Variants in SDC1 observed in about 807,000 individuals in gnomAD.
SDC1 encodes syndecan-1.
Under a neutral mutation model 29.7 loss-of-function variants are expected in SDC1, and 14 were observed. The ratio of observed to expected loss-of-function variants is 0.47; its 90% CI spans 0.31 to 0.74. The LOEUF is 0.74. Among genes scored for constraint, SDC1 ranks in the 30% least tolerant of loss-of-function variants. The probability of loss-of-function intolerance (pLI) is 0.05; values close to 1 mark genes in which losing one functional copy is unlikely to be tolerated. For missense variants in SDC1, 406 were observed against 400.3 expected (o/e 1.01, Z -0.12); for synonymous variants, 204 against 175.5 (o/e 1.16, Z -1.29).
At chr2:20,207,407 G>C in intron 1 of SDC1, 1 of 984,880 alleles carries the variant, frequency 1.0e-6, no homozygotes, top group Non-Finnish European at 1.2e-6. Context: ...GTCCACCATG[G>C]CCCATCTACA....
At position 20,202,267 on chromosome 2, in the gene SDC1, T is replaced by C. The variant is rs747461514; in HGVS notation, c.*499A>G. 3.9e-6 allele frequency: 3 copies of C among 779,146 alleles called. No homozygotes were observed. Among genetic ancestry groups the C allele is most frequent in the African/African-American group, 1.7e-5 (1 of 59,214 alleles). The allele number at this position is 779,146 out of a possible 1,614,324, so 48.3% of individuals were successfully genotyped here. ...GGAAACATGTGCAAAAACAAGTCGA[T>C]ATCTAGATTAGACCTCCCCACGAAA... On this transcript the variant is annotated 3_prime_UTR_variant, in exon 5 of 5. Coordinates refer to ENST00000254351, the MANE Select transcript of SDC1 (RefSeq NM_002997.5).
At chr2:20,223,454 T>G in intron 1 of SDC1, 1 of 412,514 alleles carries the variant, frequency 2.4e-6, no homozygotes, top group Admixed American at 3.1e-5. Flanking sequence ...TTGCCAGAGC[T>G]GGGGAAGTCG....
Position 20,204,171 on chromosome 2 carries a change from G to A in SDC1, c.269C>T (p.Thr90Ile), listed in dbSNP as rs1202999534. Residue 90 changes from threonine (T) to isoleucine (I), a missense_variant, in exon 3 of 5, where the codon ACC (threonine) becomes ATC (isoleucine). By Grantham distance (89) the Thr-to-Ile change is moderately conservative. Transcript: ENST00000254351. ...PTGLEATAAS[T>I]STLPAGEGPK... Reference sequence around the variant, plus strand: ...CCCCTCTCCAGCCGGCAGGGTGGAGGTGGAGGCAGCTGTAGCCTCCAGGCC... The same window carrying A: ...CCCCTCTCCAGCCGGCAGGGTGGAGATGGAGGCAGCTGTAGCCTCCAGGCC... The A allele has an allele frequency of 1.2e-5, 19 of 1,600,566 alleles. No individual in the cohort carries two copies. The highest frequency in any genetic ancestry group is 2.2e-5 in the East Asian group (1 of 44,886).
chr2:20,212,931 C>T (rs951987974), intron 1 of SDC1, among the ~76,000 whole-genome samples: 4 of 152,180 alleles, frequency 2.6e-5, no homozygotes, highest in Non-Finnish European at 5.9e-5. Flanking sequence ...AGACTACTTT[C>T]GGGTAATATT....
At chr2:20,202,972 C>A (rs768646993) in intron 4 of SDC1, 37 bp from the exon 5 acceptor site, 1 of 1,583,314 alleles carries the variant, frequency 6.3e-7, no homozygotes, top group Admixed American at 1.7e-5. Context: ...AGCTCAGCGG[C>A]TCCTTGGGCT....
rs1055939021 is a variant in SDC1, at chr2:20,202,682, G to A, written c.*84C>T. 3.8e-5 allele frequency: 52 copies of A among 1,355,482 alleles called. No homozygotes were observed. The highest frequency in any genetic ancestry group is 7.1e-5 in the South Asian group (5 of 70,150). 84.0% of individuals were successfully genotyped at this position (1,355,482 alleles called of 1,614,324 possible). A position where few individuals can be genotyped will look rare whatever the true frequency, so the allele number is the denominator to read the frequency against. On this transcript the variant is annotated 3_prime_UTR_variant, in exon 5 of 5. Transcript: ENST00000254351. ...CTGGGGAGGTGGCCTGGTGGCAGGG[G>A]AGGCCAGGGCCTGCAGTTCTTCAAG...
rs1361384398 is a variant in SDC1, at chr2:20,224,631, T to C, written c.66+171A>G. ...CGGCACCCACCGACAGCGGAGGAAA[T>C]TGGGGCTGGAGCCCTGGTCTCGGGG... On this transcript the variant is annotated intron_variant, in intron 1 of 4. Transcript: ENST00000254351. This position sits in a 1 kb window ranked among gnomAD's most constrained non-coding sequence, Gnocchi z 4.9. Among the ~76,000 whole-genome samples the C allele has an allele frequency of 4.6e-5, 7 of 150,884 alleles. No individual in the cohort carries two copies. In the East Asian group the frequency reaches 8.0e-4, roughly 17 times the overall value.
chr2:20,224,726 G>T lies in SDC1; in HGVS notation c.66+76C>A. 1 of 1,236,258 alleles carries T rather than the reference G, an allele frequency of 8.1e-7. No homozygotes were observed. The highest frequency in any genetic ancestry group is 1.0e-6 in the Non-Finnish European group (1 of 985,602). The allele number at this position is 1,236,258 out of a possible 1,614,324, so 76.6% of individuals were successfully genotyped here. ...GTCTTCGCTCCCCCTCCCCCTCCAC[G>T]TGCACCCGCCGGCATCCGCGGGTGA... On this transcript the variant is annotated intron_variant, in intron 1 of 4. Transcript: ENST00000254351. This position sits in a 1 kb window ranked among gnomAD's most constrained non-coding sequence, Gnocchi z 4.9.
Position 20,201,943 on chromosome 2 carries a change from C to A in SDC1, c.*823G>T, listed in dbSNP as rs56840940. The A allele has an allele frequency of 7.0e-6, 2 of 286,658 alleles. No individual in the cohort carries two copies. Among genetic ancestry groups the A allele is most frequent in the Admixed American group, 5.3e-5 (1 of 18,830 alleles). The allele number at this position is 286,658 out of a possible 1,614,324, so 17.8% of individuals were successfully genotyped here. On this transcript the variant is annotated 3_prime_UTR_variant, in exon 5 of 5. Coordinates refer to ENST00000254351, the MANE Select transcript of SDC1 (RefSeq NM_002997.5). The stretch of plus-strand genomic sequence containing the variant: ...CTGCTTGAAAGAGGCGGCGGCCCCA[C>A]GGCAGCCTGGACTGGCCAGCCTGCC...
Position 20,202,928 on chromosome 2 carries a change from A to T in SDC1, c.771T>A (p.Ile257=). ...AGATGAGCCCCACGAGGCCTCCGGC[A>T]ATGACCCCTAGGGCAGGTAGACGGG... is the stretch of plus-strand genomic sequence containing the variant. ...LDRKEVLGGV[I]AGGLVGLIFA... The change falls in exon 5 of 5, where the codon ATT becomes ATA. Residue 257 remains isoleucine (I), a synonymous_variant. Coordinates refer to ENST00000254351, the MANE Select transcript of SDC1 (RefSeq NM_002997.5). 6.2e-7 allele frequency: 1 copy of T among 1,611,212 alleles called. No homozygotes were observed.
At chr2:20,214,255 A>G (rs1052778802) in intron 1 of SDC1, among the ~76,000 whole-genome samples, 4 of 152,242 alleles carry the variant, frequency 2.6e-5, no homozygotes, top group African/African-American at 9.6e-5. Flanking sequence ...TCCCACGTAC[A>G]GAACAATGGG....
Position 20,202,755 on chromosome 2 carries a change from T to G in SDC1, c.*11A>C. The G allele has an allele frequency of 6.3e-7, 1 of 1,586,526 alleles. No individual in the cohort carries two copies. Among genetic ancestry groups the G allele is most frequent in the Non-Finnish European group, 8.6e-7 (1 of 1,164,926 alleles). ...TGAGTGGCAGGGCGGAGGGGGCGCA[T>G]GGCTCCCGCGTCAGGCATAGAATTC... On this transcript the variant is annotated 3_prime_UTR_variant, in exon 5 of 5. Coordinates refer to ENST00000254351, the MANE Select transcript of SDC1 (RefSeq NM_002997.5).
At chr2:20,207,088 C>T (rs886117054) in intron 1 of SDC1, among the ~76,000 whole-genome samples, 3 of 152,228 alleles carry the variant, frequency 2.0e-5, no homozygotes, top group Non-Finnish European at 2.9e-5. Context: ...CACAGGCCCA[C>T]GGGTCTCACT....
At chr2:20,212,827 C>A (rs549913603) in intron 1 of SDC1, among the ~76,000 whole-genome samples, 6 of 152,106 alleles carry the variant, frequency 3.9e-5, no homozygotes, top group Admixed American at 1.3e-4. Context: ...CCAAGCACAG[C>A]CCCACCCTGC....
chr2:20,215,769 A>G (rs1363814639), intron 1 of SDC1, among the ~76,000 whole-genome samples: 2 of 152,218 alleles, frequency 1.3e-5, no homozygotes, highest in Non-Finnish European at 2.9e-5. Flanking sequence ...GGAGGAAGCA[A>G]TGAAGTCCGG....
In SDC1 at chr2:20,224,238, C is replaced by G. The variant is rs1558440193; in HGVS notation, c.66+564G>C. On this transcript the variant is annotated intron_variant, in intron 1 of 4. Coordinates refer to ENST00000254351, the MANE Select transcript of SDC1 (RefSeq NM_002997.5). This position sits in a 1 kb window ranked among gnomAD's most constrained non-coding sequence, Gnocchi z 4.9. ...CGAGGGCCCTGCAGACGCTCGCCCG[C>G]GCCCCCCACGCAGCCCTGGCCCGGC... 2 of 391,822 alleles carry G rather than the reference C, an allele frequency of 5.1e-6. No individual in the cohort carries two copies. Among genetic ancestry groups the G allele is most frequent in the South Asian group, 3.4e-5 (2 of 58,546 alleles). 24.3% of individuals were successfully genotyped at this position (391,822 alleles called of 1,614,324 possible).
intron 1 of SDC1, among the ~76,000 whole-genome samples, chr2:20,212,981 C>A (rs1202340588): frequency 1.3e-5 from 2 of 152,178 alleles, no homozygotes; most frequent in East Asian, 3.9e-4. Context: ...AGATGGGAAG[C>A]CTGAGGTCAA....
At chr2:20,223,392 G>A (rs1677882724) in intron 1 of SDC1, 4 of 851,886 alleles carry the variant, frequency 4.7e-6, no homozygotes, top group African/African-American at 1.8e-5. Flanking sequence ...TAGCAGTGGA[G>A]AACCCGAGTG....
Position 20,203,202 on chromosome 2 carries a change from C to T in SDC1, c.648G>A (p.Ser216=), listed in dbSNP as rs747224740. 42 of 1,609,272 alleles carry T rather than the reference C, an allele frequency of 2.6e-5. No homozygotes were observed. Among genetic ancestry groups the T allele is most frequent in the South Asian group, 7.7e-5 (7 of 90,816 alleles). ...SGEQDFTFET[S]GENTAVVAVE... is the part of the protein sequence containing the mutation. ...CGGCCACTACAGCCGTATTCTCCCCCGAGGTTTCAAAGGTGAAGTCCTGTG... is the reference window on the plus strand; with the variant it reads ...CGGCCACTACAGCCGTATTCTCCCCTGAGGTTTCAAAGGTGAAGTCCTGTG... Residue 216 remains serine (S), a synonymous_variant, in exon 4 of 5, where the codon TCG becomes TCA. Transcript: ENST00000254351.
Sources: gnomAD v4.1 joint callset for allele counts (sites outside exome capture counted in the v4.1 genomes callset) on GRCh38, gnomAD v4.1.1 for gene constraint, Gnocchi (gnomAD v3.1) non-coding constraint, MANE v1.5 for transcripts, NCBI Gene and HGNC (gene_info 2026-07-23, HGNC 2026-07-21) for gene names.